NWD2: variants seen among roughly 807,000 people sequenced by gnomAD.
The protein encoded by NWD2 is NACHT and WD repeat domain containing 2.
A neutral mutation model predicts 132.7 loss-of-function variants in NWD2; 37 were observed. The observed-to-expected ratio is 0.28, with a 90% CI of 0.21 to 0.37. The LOEUF is 0.37. Among genes scored for constraint, NWD2 ranks in the 10% least tolerant of loss-of-function variants. The pLI, the probability that NWD2 is intolerant of heterozygous loss-of-function variation, is 1.00. For missense variants in NWD2, 1,592 were observed against 2,122.4 expected, an observed-to-expected ratio of 0.75 and a Z score of 4.91; for synonymous variants, 705 against 803.0, an observed-to-expected ratio of 0.88 and a Z score of 2.06.
At chr4:37,296,622 T>C (rs1400421017) in intron 1 of NWD2, among the ~76,000 whole-genome samples, 1 of 152,084 alleles carries the variant, frequency 6.6e-6, no homozygotes, top group Non-Finnish European at 1.5e-5. Flanking sequence ...TTCCCACTTA[T>C]AGGTGGGAAC....
Position 37,448,243 on chromosome 4 carries a change from A to T in NWD2, c.*1026A>T, listed in dbSNP as rs1394293373. The T allele has an allele frequency of 6.6e-6, 1 of 152,250 alleles. No individual in the cohort carries two copies. The highest frequency in any genetic ancestry group is 6.5e-5 in the Admixed American group (1 of 15,286). The allele number at this position is 152,250 out of a possible 1,614,324, so 9.4% of individuals were successfully genotyped here. A position where few individuals can be genotyped will look rare whatever the true frequency, so the allele number is the denominator to read the frequency against. On this transcript the variant is annotated 3_prime_UTR_variant, in exon 7 of 7. Coordinates refer to ENST00000309447, the MANE Select transcript of NWD2 (RefSeq NM_001144990.2). The stretch of plus-strand genomic sequence containing the variant: ...TCTTTCCTGTGTAAAATGCAGATAG[A>T]TGACCAAATACTCTGGGATAAACTG...
chr4:37,256,228 T>C (rs375046146), intron 1 of NWD2, among the ~76,000 whole-genome samples: 52 of 152,146 alleles, frequency 3.4e-4, no homozygotes, highest in African/African-American at 1.2e-3. Context: ...ACACTTGGGG[T>C]AGAGGAATGG....
chr4:37,388,219 T>C (rs754711595), intron 3 of NWD2, among the ~76,000 whole-genome samples: 2 of 152,188 alleles, frequency 1.3e-5, no homozygotes, highest in African/African-American at 2.4e-5. Context: ...ACAGAGTCTC[T>C]GTTGCCCAGA....
At chr4:37,301,553 A>G (rs1272976814) in intron 1 of NWD2, among the ~76,000 whole-genome samples, 1 of 151,408 alleles carries the variant, frequency 6.6e-6, no homozygotes, top group Non-Finnish European at 1.5e-5. Context: ...AATTTATTCA[A>G]ATCTGTCTTG....
At chr4:37,292,675 G>A (rs1237392932) in intron 1 of NWD2, among the ~76,000 whole-genome samples, 1 of 152,060 alleles carries the variant, frequency 6.6e-6, no homozygotes, top group Non-Finnish European at 1.5e-5. Context: ...CTAAAGCATT[G>A]GTCCCCACTG....
chr4:37,326,512 C>G (rs1719175797), intron 2 of NWD2, among the ~76,000 whole-genome samples: 1 of 152,164 alleles, frequency 6.6e-6, no homozygotes, highest in African/African-American at 2.4e-5. Flanking sequence ...TTTACTCCCC[C>G]CAAAACATTA....
At chr4:37,336,711 C>T (rs1403969969) in intron 2 of NWD2, among the ~76,000 whole-genome samples, 7 of 152,034 alleles carry the variant, frequency 4.6e-5, no homozygotes, top group African/African-American at 1.4e-4. Flanking sequence ...GAGGCCGAGG[C>T]GGGTGGATCA....
At chr4:37,306,362 G>C (rs1366871869) in intron 1 of NWD2, among the ~76,000 whole-genome samples, 1 of 151,910 alleles carries the variant, frequency 6.6e-6, no homozygotes, top group Non-Finnish European at 1.5e-5. Flanking sequence ...TTCTAATGTG[G>C]GGTTTTGTTT....
At chr4:37,274,357 T>C (rs1411232934) in intron 1 of NWD2, among the ~76,000 whole-genome samples, 1 of 152,182 alleles carries the variant, frequency 6.6e-6, no homozygotes, top group East Asian at 1.9e-4. Context: ...CCTCGACACA[T>C]ACACCCTCCC....
At chr4:37,326,434 G>A (rs1171021235) in intron 2 of NWD2, among the ~76,000 whole-genome samples, 2 of 152,132 alleles carry the variant, frequency 1.3e-5, no homozygotes, top group Non-Finnish European at 2.9e-5. Flanking sequence ...CTTGCCTTCT[G>A]TCTTGCCTTT....
intron 3 of NWD2, among the ~76,000 whole-genome samples, chr4:37,428,014 C>T: frequency 6.6e-6 from 1 of 152,228 alleles, no homozygotes; most frequent in East Asian, 1.9e-4. Context: ...CTTTCTCTGT[C>T]TTGGTTCATT....
At chr4:37,388,976 TAAAA>T (rs1720629359) in intron 3 of NWD2, among the ~76,000 whole-genome samples, 1 of 151,070 alleles carries the variant, frequency 6.6e-6, no homozygotes, top group Non-Finnish European at 1.5e-5. Flanking sequence ...AGTTGATAAA[TAAAA>T]AGGAATTTAA....
rs772847080 is a variant in NWD2, at chr4:37,446,532, G to A, written c.4544G>A (p.Arg1515Gln). Residue 1515 changes from arginine to glutamine, a missense_variant, in exon 7 of 7, where the codon CGG (arginine) becomes CAG (glutamine). Physicochemically the swap from Arg to Gln is conservative, Grantham distance 43. Coordinates refer to ENST00000309447, the MANE Select transcript of NWD2 (RefSeq NM_001144990.2). The surrounding 1 kb of genome is among the most constrained non-coding windows in gnomAD (Gnocchi z 6.7). ...IWSLTDEVIC[R>Q]RVQLPNNFLK... ...AGTCTGACAGATGAAGTGATCTGTC[G>A]GCGCGTGCAACTTCCAAACAACTTC... 7.3e-5 allele frequency: 113 copies of A among 1,551,554 alleles called. No individual in the cohort carries two copies. Among genetic ancestry groups the A allele is most frequent in the Middle Eastern group, 1.7e-4 (1 of 6,014 alleles).
rs1446053618 is a variant in NWD2 at position 37,446,432 on chromosome 4, G to A, written c.4444G>A (p.Val1482Met). ...KFCCEDGTTI[V>M]NFKLIPDCPD... ...TTGCTGTGAAGATGGGACCACCATC[G>A]TGAATTTTAAATTAATCCCTGACTG... Residue 1482 changes from valine to methionine, a missense_variant, in exon 7 of 7, where the codon GTG becomes ATG. Physicochemically the swap from Val to Met is conservative, Grantham distance 21. This residue lies in a region of NWD2 where 257 missense variants were observed against 335.0 expected (regional missense o/e 0.77). Transcript: ENST00000309447. This position sits in a 1 kb window ranked among gnomAD's most constrained non-coding sequence, Gnocchi z 6.7. 7.1e-6 allele frequency: 11 copies of A among 1,551,746 alleles called. No homozygotes were observed. The highest frequency in any genetic ancestry group is 5.9e-5 in the Admixed American group (3 of 51,014).
intron 3 of NWD2, among the ~76,000 whole-genome samples, chr4:37,405,476 G>C (rs2109317054): frequency 8.6e-6 from 1 of 116,900 alleles, no homozygotes; most frequent in Non-Finnish European, 1.9e-5. Context: ...GAATAGAATA[G>C]AATAGAATAG....
intron 3 of NWD2, 78 bp from the exon 4 acceptor site, chr4:37,430,494 T>G: frequency 1.0e-6 from 1 of 984,944 alleles, no homozygotes. Context: ...TAATATTTAT[T>G]CAGTGACCAT....
chr4:37,399,400 G>A (rs1411125231), intron 3 of NWD2, among the ~76,000 whole-genome samples: 1 of 152,184 alleles, frequency 6.6e-6, no homozygotes, highest in Non-Finnish European at 1.5e-5. Flanking sequence ...GTTAAGATAA[G>A]TATTTTTAAA....
intron 1 of NWD2, among the ~76,000 whole-genome samples, chr4:37,316,626 G>A (rs547771499): frequency 1.3e-5 from 2 of 151,916 alleles, no homozygotes; most frequent in African/African-American, 4.8e-5. Flanking sequence ...TTGGATGATG[G>A]TTTTCCACAG....
At chr4:37,292,798 TC>T (rs1219717249) in intron 1 of NWD2, among the ~76,000 whole-genome samples, 2 of 152,072 alleles carry the variant, frequency 1.3e-5, no homozygotes, top group East Asian at 3.9e-4. Context: ...AGAGTGTGCA[TC>T]CCGGATCCCG....
Sources: allele counts gnomAD v4.1 joint callset (sites outside exome capture counted in the v4.1 genomes callset), GRCh38; gene constraint gnomAD v4.1.1; regional missense constraint gnomAD v4.1.1; non-coding constraint Gnocchi (gnomAD v3.1); transcripts MANE v1.5; gene names NCBI Gene and HGNC (gene_info 2026-07-23, HGNC 2026-07-21).